Variants in TENM1 observed in about 807,000 individuals in gnomAD.
TENM1 encodes teneurin-1.
Under a neutral mutation model 174.8 loss-of-function variants are expected in TENM1, and 35 were observed. The ratio of observed to expected loss-of-function variants is 0.20; its 90% confidence interval spans 0.15 to 0.27. The LOEUF (loss-of-function observed/expected upper bound fraction) is 0.27, where lower values mean the gene tolerates loss of function less well. TENM1 is among the 10% of genes least tolerant of loss of function. The probability of loss-of-function intolerance (pLI) is 1.00; values close to 1 mark genes in which losing one functional copy is unlikely to be tolerated. For missense variants in TENM1, 1,633 were observed against 2,130.1 expected (o/e 0.77, Z 4.59); for synonymous variants, 781 against 798.7 (o/e 0.98, Z 0.37).
chrX:125,011,278 G>T, the TENM1 span, among the ~76,000 whole-genome samples: 1 of 111,936 alleles, frequency 8.9e-6, no homozygotes, highest in East Asian at 2.8e-4. Flanking sequence ...CATGGGCAAA[G>T]ACTTCATGAC....
the TENM1 span, among the ~76,000 whole-genome samples, chrX:125,053,931 A>G: frequency 1.4e-3 from 161 of 111,810 alleles, 1 homozygote; most frequent in African/African-American, 4.9e-3. Flanking sequence ...GCTCTAAACC[A>G]CTATGCCAAA....
At chrX:124,609,164 C>A (rs746348609) in intron 11 of TENM1, among the ~76,000 whole-genome samples, 39 of 111,366 alleles carry the variant, frequency 3.5e-4, no homozygotes, top group African/African-American at 1.3e-3. Context: ...AATAGTAGAA[C>A]TTGCCTTCCC....
rs997804245 is a variant in TENM1, at chrX:124,629,201, G to A, written c.2077+12590C>T. Among the ~76,000 whole-genome samples the A allele has an allele frequency of 2.7e-5, 3 of 112,429 alleles. No individual in the cohort carries two copies. The South Asian group carries it at 1.1e-3, about 41-fold the overall frequency. On this transcript the variant is annotated intron_variant, in intron 11 of 31. Coordinates refer to ENST00000422452, the Ensembl canonical transcript of TENM1. The stretch of plus-strand genomic sequence containing the variant: ...AGGAATGTAAATTTTCCTTGAATGT[G>A]ATTTTATAATAAACAGCATGGCTCA...
chrX:124,696,740 C>T (rs957720430), intron 5 of TENM1, among the ~76,000 whole-genome samples: 43 of 111,347 alleles, frequency 3.9e-4, no homozygotes, highest in Non-Finnish European at 6.2e-4. Flanking sequence ...TTAATATCTA[C>T]GCTTAATTAA....
chrX:125,077,177 T>G, the TENM1 span, among the ~76,000 whole-genome samples: 1 of 111,614 alleles, frequency 9.0e-6, no homozygotes, highest in African/African-American at 3.2e-5. Flanking sequence ...ATAATTTTCA[T>G]CCAGACAAAT....
At chrX:124,631,046 C>A (rs1410033330) in intron 11 of TENM1, among the ~76,000 whole-genome samples, 5 of 112,020 alleles carry the variant, frequency 4.5e-5, no homozygotes, top group African/African-American at 1.6e-4. Flanking sequence ...AGATTTCCAA[C>A]CTGTTTGAGC....
At chrX:125,025,114 G>A in the TENM1 span, among the ~76,000 whole-genome samples, 1 of 111,840 alleles carries the variant, frequency 8.9e-6, no homozygotes, top group Admixed American at 9.5e-5. Flanking sequence ...AATCACCTCT[G>A]AAGGGTCCAA....
At chrX:124,783,460 T>C (rs201038797) in intron 3 of TENM1, among the ~76,000 whole-genome samples, 1 of 112,055 alleles carries the variant, frequency 8.9e-6, no homozygotes, top group East Asian at 2.8e-4. Context: ...ATTTTTATGA[T>C]AAGCATGTGT....
At chrX:125,103,651 A>G in the TENM1 span, among the ~76,000 whole-genome samples, 1 of 112,544 alleles carries the variant, frequency 8.9e-6, no homozygotes, top group Non-Finnish European at 1.9e-5. Flanking sequence ...CAACCGTCTG[A>G]CTTCCAGAAT....
the TENM1 span, among the ~76,000 whole-genome samples, chrX:125,106,078 C>T: frequency 2.7e-5 from 3 of 111,905 alleles, no homozygotes; most frequent in African/African-American, 9.8e-5. Context: ...ACATCCTTGC[C>T]TAAATGAGTC....
the TENM1 span, among the ~76,000 whole-genome samples, chrX:125,117,763 T>C: frequency 9.0e-6 from 1 of 111,638 alleles, no homozygotes; most frequent in African/African-American, 3.3e-5. Flanking sequence ...GGAATGCTTA[T>C]ATACTATTGG....
chrX:124,422,467 C>T, exon 24 of TENM1: 1 of 1,211,254 alleles, frequency 8.3e-7, no homozygotes, highest in Non-Finnish European at 1.1e-6. Flanking sequence ...TGAATTGCTA[C>T]CTTGCTGACC....
chrX:124,953,284 T>G (rs2058518106), intron 1 of TENM1, among the ~76,000 whole-genome samples: 2 of 112,298 alleles, frequency 1.8e-5, no homozygotes, highest in African/African-American at 6.5e-5. Flanking sequence ...GTAATTTGGA[T>G]ATAGTTCCAA....
the TENM1 span, among the ~76,000 whole-genome samples, chrX:124,994,326 C>T: frequency 9.6e-6 from 1 of 104,478 alleles, no homozygotes; most frequent in Non-Finnish European, 1.9e-5. Flanking sequence ...TGCTTTAGTC[C>T]AGCTATAACA....
chrX:124,747,975 C>T (rs2053966269), intron 3 of TENM1, among the ~76,000 whole-genome samples: 1 of 111,983 alleles, frequency 8.9e-6, no homozygotes, highest in African/African-American at 3.2e-5. Context: ...TTTGCTTCCC[C>T]TGTACTTCAT....
intron 3 of TENM1, among the ~76,000 whole-genome samples, chrX:124,795,997 A>C (rs952146697): frequency 1.8e-5 from 2 of 111,193 alleles, no homozygotes; most frequent in Non-Finnish European, 3.8e-5. Context: ...TAATACTCTA[A>C]TGATGTCAAT....
chrX:125,112,581 CA>C, the TENM1 span, among the ~76,000 whole-genome samples: 1 of 111,339 alleles, frequency 9.0e-6, no homozygotes, highest in African/African-American at 3.3e-5. Flanking sequence ...AAGATATACA[CA>C]AATTCCAATT....
At chrX:124,717,491 G>GAC (rs2053214099) in intron 4 of TENM1, among the ~76,000 whole-genome samples, 1 of 111,718 alleles carries the variant, frequency 9.0e-6, no homozygotes, top group African/African-American at 3.3e-5. Flanking sequence ...TAGGGGAACA[G>GAC]ACAAAGAAAT....
intron 3 of TENM1, among the ~76,000 whole-genome samples, chrX:124,750,905 T>C (rs1265232609): frequency 8.9e-6 from 1 of 112,622 alleles, no homozygotes; most frequent in Non-Finnish European, 1.9e-5. Context: ...TAACTTATAA[T>C]GAAATCTATG....
Sources: gnomAD v4.1 joint callset for allele counts (sites outside exome capture counted in the v4.1 genomes callset) on GRCh38, gnomAD v4.1.1 for gene constraint, MANE v1.5 for transcripts, NCBI Gene and HGNC (gene_info 2026-07-23, HGNC 2026-07-21) for gene names.